STAG2: variants seen among roughly 807,000 people sequenced by gnomAD.
The protein encoded by STAG2 is STAG2 cohesin complex component.
STAG2 carries 14 observed loss-of-function variants against 108.1 expected under a neutral mutation model. The ratio of observed to expected loss-of-function variants is 0.13; its 90% CI spans 0.09 to 0.20. The LOEUF is 0.20. Among genes scored for constraint, STAG2 ranks in the 10% least tolerant of loss-of-function variants. STAG2 has a pLI of 1.00. For missense variants in STAG2, 440 were observed against 940.9 expected, an observed-to-expected ratio of 0.47 and a Z score of 6.96; for synonymous variants, 307 against 302.7, an observed-to-expected ratio of 1.01 and a Z score of -0.15.
intron 4 of STAG2, among the ~76,000 whole-genome samples, chrX:124,028,040 A>G (rs1396720776): frequency 9.0e-6 from 1 of 111,455 alleles, no homozygotes. Flanking sequence ...GCAAATATAC[A>G]GCTCCATGTT....
intron 21 of STAG2, 26 bp from the exon 22 acceptor site, chrX:124,066,143 ATTTTTT>A (rs748906058): frequency 2.6e-3 from 1,517 of 587,228 alleles, no homozygotes; most frequent in Non-Finnish European, 3.0e-3. Flanking sequence ...ATAAAACTTA[ATTTTTT>A]TTTTTTTTTT....
intron 14 of STAG2, 137 bp downstream of exon 14, chrX:124,056,372 TTTTAC>T: frequency 3.3e-6 from 1 of 299,748 alleles, no homozygotes; most frequent in Non-Finnish European, 5.5e-6. Context: ...AGCTTTCACA[TTTTAC>T]TTTTTCCTTT....
Position 124,022,520 on chromosome X carries a change from C to T in STAG2, c.-97-11C>T, listed in dbSNP as rs927492976. ...GCATTTGTAATAAATGTCATTTTCT[C>T]CTTTTTAAAGGAATTGTCTTAGAAG... On this transcript the variant is annotated splice_polypyrimidine_tract_variant and intron_variant, in intron 2 of 34. Coordinates refer to ENST00000371145, the MANE Select transcript of STAG2 (RefSeq NM_001042750.2). 1 of 597,755 alleles carries T rather than the reference C, an allele frequency of 1.7e-6. No homozygotes were observed. Among genetic ancestry groups the T allele is most frequent in the Non-Finnish European group, 2.6e-6 (1 of 385,649 alleles). 49.3% of individuals were successfully genotyped at this position (597,755 alleles called of 1,213,427 possible).
chrX:123,988,770 A>G (rs1421355303), intron 1 of STAG2, among the ~76,000 whole-genome samples: 1 of 111,395 alleles, frequency 9.0e-6, no homozygotes, highest in Non-Finnish European at 1.9e-5. Flanking sequence ...TTCCTCATTT[A>G]CATTCTGATT....
chrX:124,087,571 A>G (rs1033707730), intron 30 of STAG2, among the ~76,000 whole-genome samples: 2 of 111,679 alleles, frequency 1.8e-5, no homozygotes, highest in East Asian at 2.8e-4. Flanking sequence ...CAGAACACCA[A>G]CGTGTGACTT....
intron 5 of STAG2, among the ~76,000 whole-genome samples, chrX:124,033,117 A>G (rs922490314): frequency 9.8e-5 from 11 of 112,419 alleles, no homozygotes; most frequent in Non-Finnish European, 1.5e-4. Context: ...GTTTGCTTGT[A>G]TATCATGATT....
chrX:124,005,372 CCACCAT>C (rs758189551), intron 1 of STAG2, among the ~76,000 whole-genome samples: 2 of 111,433 alleles, frequency 1.8e-5, no homozygotes, highest in East Asian at 2.8e-4. Flanking sequence ...AGCACTACCA[CCACCAT>C]CACCATCACC....
intron 32 of STAG2, among the ~76,000 whole-genome samples, chrX:124,093,404 TTATCTC>T (rs773780120): frequency 5.5e-5 from 6 of 109,921 alleles, no homozygotes; most frequent in Non-Finnish European, 1.1e-4. Context: ...AATTAATTGT[TTATCTC>T]TGTTTGCCAT....
chrX:124,019,858 G>A (rs1449657772), intron 1 of STAG2, among the ~76,000 whole-genome samples: 1 of 111,995 alleles, frequency 8.9e-6, no homozygotes, highest in Non-Finnish European at 1.9e-5. Context: ...GATCACTTGA[G>A]CCTGGGGAGG....
chrX:123,991,974 A>AT (rs1468671740), intron 1 of STAG2, among the ~76,000 whole-genome samples: 1 of 112,874 alleles, frequency 8.9e-6, no homozygotes, highest in Non-Finnish European at 1.9e-5. Flanking sequence ...CACAACAACT[A>AT]TTTTCATAGC....
chrX:124,025,807 G>T, intron 3 of STAG2, 33 bp from the exon 4 acceptor site: 1 of 1,014,872 alleles, frequency 9.9e-7, no homozygotes, highest in Non-Finnish European at 1.3e-6. Flanking sequence ...AAATTTCTAA[G>T]GAAGGGTTTT....
chrX:124,040,589 T>C (rs1253995625), intron 6 of STAG2, among the ~76,000 whole-genome samples: 2 of 109,318 alleles, frequency 1.8e-5, no homozygotes, highest in Non-Finnish European at 3.8e-5. Context: ...GGATGTCTTG[T>C]GGTTTATGAG....
chrX:124,024,854 A>G, intron 3 of STAG2, among the ~76,000 whole-genome samples: 1 of 111,824 alleles, frequency 8.9e-6, no homozygotes, highest in South Asian at 3.7e-4. Context: ...AAAAACCTTT[A>G]TCTTTTATGG....
chrX:124,034,295 T>C (rs755791186), intron 5 of STAG2, among the ~76,000 whole-genome samples: 9 of 112,011 alleles, frequency 8.0e-5, no homozygotes, highest in African/African-American at 2.9e-4. Flanking sequence ...GCCTCCCCAG[T>C]AAGTGGGACT....
chrX:124,009,435 GTAGGTAGGTAGATAGATAGATAGA>G (rs1210185739), intron 1 of STAG2, among the ~76,000 whole-genome samples: 7 of 71,196 alleles, frequency 9.8e-5, no homozygotes, highest in South Asian at 1.5e-3. Context: ...AGGTAGGTAG[GTAGGTAGGTAGATAGATAGATAGA>G]TAGATAGATA....
chrX:124,012,934 G>C (rs1033818910), intron 1 of STAG2, among the ~76,000 whole-genome samples: 1 of 111,435 alleles, frequency 9.0e-6, no homozygotes. Flanking sequence ...GTAATCTATT[G>C]AGAGTATGTG....
intron 22 of STAG2, 45 bp downstream of exon 22, chrX:124,066,307 A>T: frequency 8.4e-7 from 1 of 1,185,616 alleles, no homozygotes. Context: ...TGAAAAGTGA[A>T]GTCTTGTGAC....
chrX:123,961,492 G>A (rs933837783), upstream of STAG2: 1 of 110,727 alleles, frequency 9.0e-6, no homozygotes, highest in Non-Finnish European at 1.9e-5. Context: ...TGTGGTTGGG[G>A]TGGGGGAGAG....
At chrX:124,030,811 TCA>T in intron 4 of STAG2, 148 bp from the exon 5 acceptor site, 1 of 546,872 alleles carries the variant, frequency 1.8e-6, no homozygotes, top group Non-Finnish European at 2.8e-6. Flanking sequence ...AAAGAGGCTG[TCA>T]CAGTTATATC....
Sources: allele counts gnomAD v4.1 joint callset (sites outside exome capture counted in the v4.1 genomes callset), GRCh38; gene constraint gnomAD v4.1.1; transcripts MANE v1.5; gene names NCBI Gene and HGNC (gene_info 2026-07-23, HGNC 2026-07-21).